Variants in DYNC2H1 observed in about 807,000 individuals in gnomAD.
DYNC2H1 encodes the protein dynein cytoplasmic 2 heavy chain 1, also known as cytoplasmic dynein 2 heavy chain 1.
In DYNC2H1, 410 loss-of-function variants were observed where a neutral mutation model predicts 570.0. That is an observed-to-expected ratio of 0.72 (90% CI 0.66 to 0.78). The LOEUF is 0.78. DYNC2H1 is among the 30% of genes least tolerant of loss of function. The probability of loss-of-function intolerance (pLI) is 0.00; values close to 1 mark genes in which losing one functional copy is unlikely to be tolerated. For synonymous variants in DYNC2H1, 1,688 were observed against 1,677.6 expected (o/e 1.01, Z -0.15); for missense variants, 4,865 against 5,046.4 (o/e 0.96, Z 1.09).
intron 88 of DYNC2H1, among the ~76,000 whole-genome samples, chr11:103,477,743 G>C (rs1287216701): frequency 7.1e-6 from 1 of 141,346 alleles, no homozygotes; most frequent in Non-Finnish European, 1.5e-5. Context: ...AGGCAGGAGA[G>C]TGGAATGAAC....
rs541988081 is a variant in DYNC2H1, at chr11:103,245,524, A to G, written c.10042+150A>G. The G allele has an allele frequency of 1.5e-4, 124 of 800,444 alleles. No individual in the cohort carries two copies. In the African/African-American group the frequency reaches 2.0e-3, roughly 13 times the overall value. 49.6% of individuals were successfully genotyped at this position (800,444 alleles called of 1,614,324 possible). The stretch of plus-strand genomic sequence containing the variant: ...CAGCAATATGTGTAAAGTTGTGACA[A>G]TATGTGTAAAATGTTGTTTATCAGG... On this transcript the variant is annotated intron_variant, in intron 65 of 88. Coordinates refer to ENST00000375735, the MANE Select transcript of DYNC2H1 (RefSeq NM_001377.3). The surrounding 1 kb of genome is among the most constrained non-coding windows in gnomAD (Gnocchi z 4.5).
chr11:103,455,253 A>G lies in DYNC2H1; in HGVS notation c.12524A>G (p.His4175Arg), dbSNP rs774502925. 1.2e-6 allele frequency: 2 copies of G among 1,613,492 alleles called. No homozygotes were observed. Among genetic ancestry groups the G allele is most frequent in the South Asian group, 1.1e-5 (1 of 91,062 alleles). The change falls in exon 86 of 89, where the codon CAT (histidine) becomes CGT (arginine). Residue 4175 changes from histidine (H) to arginine (R), a missense_variant. His to Arg is a conservative substitution (Grantham distance 29). Transcript: ENST00000375735. Reference sequence around the variant, plus strand: ...ACACTTGACCTATCAGAACTTTTCCATCCAGACACATTTCTTAATGCTCTT... The same window carrying G: ...ACACTTGACCTATCAGAACTTTTCCGTCCAGACACATTTCTTAATGCTCTT... ...SETLDLSELF[H>R]PDTFLNALRQ...
At chr11:103,286,869 A>C (rs1309475739) in intron 74 of DYNC2H1, among the ~76,000 whole-genome samples, 2 of 152,178 alleles carry the variant, frequency 1.3e-5, no homozygotes, top group Non-Finnish European at 2.9e-5. Context: ...TGACCTTTCC[A>C]TTTATCTCTT....
intron 83 of DYNC2H1, among the ~76,000 whole-genome samples, chr11:103,371,235 G>A (rs1941133268): frequency 6.6e-6 from 1 of 151,886 alleles, no homozygotes; most frequent in Admixed American, 6.6e-5. Flanking sequence ...CTTGAAGACA[G>A]ACTATTTGAA....
chr11:103,471,841 G>A (rs1194013902), intron 88 of DYNC2H1, among the ~76,000 whole-genome samples: 2 of 152,152 alleles, frequency 1.3e-5, no homozygotes, highest in Admixed American at 1.3e-4. Flanking sequence ...TGCAATTAGA[G>A]AGGTTTATAT....
At chr11:103,400,613 G>A (rs1363713362) in intron 84 of DYNC2H1, among the ~76,000 whole-genome samples, 1 of 151,448 alleles carries the variant, frequency 6.6e-6, no homozygotes, top group Non-Finnish European at 1.5e-5. Context: ...GCAGAAGTTG[G>A]TATCTGGAAA....
Position 103,133,799 on chromosome 11 carries a change from T to A in DYNC2H1, c.2106+92T>A. 1 of 1,327,706 alleles carries A rather than the reference T, an allele frequency of 7.5e-7. No homozygotes were observed. The highest frequency in any genetic ancestry group is 1.0e-6 in the Non-Finnish European group (1 of 990,024). The allele number at this position is 1,327,706 out of a possible 1,614,324, so 82.2% of individuals were successfully genotyped here. On this transcript the variant is annotated intron_variant, in intron 14 of 88. Transcript: ENST00000375735. This position sits in a 1 kb window ranked among gnomAD's most constrained non-coding sequence, Gnocchi z 4.8. Reference sequence around the variant, plus strand: ...TTTTTAAAAACTTATTTTGAAATAATTTGAGACTTAAAGTTACAAAAATAG... The same window carrying A: ...TTTTTAAAAACTTATTTTGAAATAAATTGAGACTTAAAGTTACAAAAATAG...
At chr11:103,202,341 C>T (rs1020957328) in intron 50 of DYNC2H1, among the ~76,000 whole-genome samples, 3 of 131,130 alleles carry the variant, frequency 2.3e-5, no homozygotes, top group Admixed American at 9.0e-5. Flanking sequence ...TAAGCACTAA[C>T]CTAATAATCA....
chr11:103,243,699 G>C lies in DYNC2H1; in HGVS notation c.9826G>C (p.Val3276Leu). 1.3e-6 allele frequency: 2 copies of C among 1,599,802 alleles called. No individual in the cohort carries two copies. Among genetic ancestry groups the C allele is most frequent in the Non-Finnish European group, 1.7e-6 (2 of 1,171,966 alleles). Residue 3276 changes from valine to leucine, a missense_variant, in exon 64 of 89, where the codon GTG (valine) becomes CTG (leucine). Physicochemically the swap from Val to Leu is conservative, Grantham distance 32. This residue lies in a region of DYNC2H1 where 2,401 missense variants were observed against 2,454.6 expected (regional missense o/e 0.98). Coordinates refer to ENST00000375735, the MANE Select transcript of DYNC2H1 (RefSeq NM_001377.3). This position sits in a 1 kb window ranked among gnomAD's most constrained non-coding sequence, Gnocchi z 4.8. ...TTCCTTTTTTTTATACTAGAGTCGAGTGTGCCCATTTCTTATAGATCCTTC... is the reference window on the plus strand; with the variant it reads ...TTCCTTTTTTTTATACTAGAGTCGACTGTGCCCATTTCTTATAGATCCTTC... ...ENALVILQSR[V>L]CPFLIDPSSQ...
In DYNC2H1 at chr11:103,219,919, C is replaced by T. The variant is rs1398738679; in HGVS notation, c.8837C>T (p.Ala2946Val). The change falls in exon 56 of 89, where the codon GCT (alanine) becomes GTT (valine). Residue 2946 changes from alanine (A) to valine (V), a missense_variant. Transcript: ENST00000375735. Reference sequence around the variant, plus strand: ...GCCACTTAAATATTCTTATAGGATGCTAGTGAGCAAAAAACAGAACTTGAA... The same window carrying T: ...GCCACTTAAATATTCTTATAGGATGTTAGTGAGCAAAAAACAGAACTTGAA... ...LQMITVSMQD[A>V]SEQKTELERL... The T allele has an allele frequency of 1.7e-5, 25 of 1,509,406 alleles. No homozygotes were observed. Among genetic ancestry groups the T allele is most frequent in the Non-Finnish European group, 2.2e-5 (25 of 1,132,388 alleles). The allele number at this position is 1,509,406 out of a possible 1,614,324, so 93.5% of individuals were successfully genotyped here.
At position 103,324,801 on chromosome 11, in the gene DYNC2H1, A is replaced by G. The variant is rs1682124860; in HGVS notation, c.12039+811A>G. ...AGAAATCGCCAAACTATTTTCCACA[A>G]TGGTTGATCTAATTTGCATTCCCAC... is the stretch of plus-strand genomic sequence containing the variant. On this transcript the variant is annotated intron_variant, in intron 82 of 88. Transcript: ENST00000375735. This position sits in a 1 kb window ranked among gnomAD's most constrained non-coding sequence, Gnocchi z 5.2. 6.6e-6 allele frequency among the ~76,000 whole-genome samples: 1 copy of G among 152,144 alleles called. No individual in the cohort carries two copies. Among genetic ancestry groups the G allele is most frequent in the African/African-American group, 2.4e-5 (1 of 41,430 alleles).
intron 84 of DYNC2H1, among the ~76,000 whole-genome samples, chr11:103,423,295 C>G (rs547605303): frequency 1.3e-5 from 2 of 150,440 alleles, no homozygotes; most frequent in African/African-American, 4.9e-5. Context: ...AGATAGACCC[C>G]GAAATATATA....
intron 75 of DYNC2H1, among the ~76,000 whole-genome samples, chr11:103,300,823 T>A (rs956095491): frequency 1.3e-4 from 20 of 152,102 alleles, no homozygotes; most frequent in Admixed American, 3.3e-4. Flanking sequence ...ACAAGTGGTA[T>A]GGTAATCTGC....
At chr11:103,184,853 T>C (rs1470554650) in intron 40 of DYNC2H1, 43 bp from the exon 41 acceptor site, 2 of 1,605,878 alleles carry the variant, frequency 1.2e-6, no homozygotes, top group Admixed American at 1.7e-5. Context: ...TACTGGTTAA[T>C]AGTTGCCTTT....
intron 70 of DYNC2H1, among the ~76,000 whole-genome samples, chr11:103,266,140 C>T (rs989009253): frequency 6.6e-6 from 1 of 152,112 alleles, no homozygotes; most frequent in Non-Finnish European, 1.5e-5. Flanking sequence ...GGTGGTGTTA[C>T]CTAAGTGTTT....
At chr11:103,373,473 A>G (rs1169304090) in intron 83 of DYNC2H1, among the ~76,000 whole-genome samples, 8 of 152,064 alleles carry the variant, frequency 5.3e-5, no homozygotes, top group African/African-American at 1.7e-4. Flanking sequence ...TATTAGGGGC[A>G]TGTTGTTTTG....
chr11:103,179,888 A>G (rs1213586487), intron 39 of DYNC2H1, among the ~76,000 whole-genome samples: 3 of 151,718 alleles, frequency 2.0e-5, no homozygotes, highest in Admixed American at 6.6e-5. Flanking sequence ...CATAAGTAAG[A>G]AACTTTTATT....
chr11:103,198,883 G>T (rs1031948102), intron 48 of DYNC2H1, among the ~76,000 whole-genome samples: 2 of 152,084 alleles, frequency 1.3e-5, no homozygotes, highest in East Asian at 1.9e-4. Context: ...TTTTTTCATG[G>T]TCTATGCACA....
chr11:103,140,005 A>C (rs1859813395), intron 17 of DYNC2H1, among the ~76,000 whole-genome samples: 1 of 152,028 alleles, frequency 6.6e-6, no homozygotes, highest in Admixed American at 6.6e-5. Context: ...TTGTTGGTTT[A>C]AAGTCTGTTT....
Sources: allele counts gnomAD v4.1 joint callset (sites outside exome capture counted in the v4.1 genomes callset), GRCh38; gene constraint gnomAD v4.1.1; regional missense constraint gnomAD v4.1.1; non-coding constraint Gnocchi (gnomAD v3.1); transcripts MANE v1.5; gene names NCBI Gene and HGNC (gene_info 2026-07-23, HGNC 2026-07-21).